The following GRK5 variants were observed in gnomAD, a reference collection of about 807,000 sequenced individuals.
GRK5 encodes the protein G protein-coupled receptor kinase 5, also known as g protein-coupled receptor kinase GRK5.
A neutral mutation model predicts 78.4 loss-of-function variants in GRK5; 40 were observed. The ratio of observed to expected loss-of-function variants is 0.51; its 90% CI spans 0.40 to 0.66. The LOEUF is 0.66. Among genes scored for constraint, GRK5 ranks in the 30% least tolerant of loss-of-function variants. GRK5 has a pLI of 0.00. For missense variants in GRK5, 598 were observed against 759.9 expected, an observed-to-expected ratio of 0.79 and a Z score of 2.50; for synonymous variants, 289 against 296.8, an observed-to-expected ratio of 0.97 and a Z score of 0.27.
At chr10:119,446,240 G>A (rs1202580958) in intron 12 of GRK5, among the ~76,000 whole-genome samples, 1 of 152,210 alleles carries the variant, frequency 6.6e-6, no homozygotes, top group African/African-American at 2.4e-5. Context: ...GCTGCAAACT[G>A]TTGACTGGAT....
Position 119,244,107 on chromosome 10 carries a change from A to T in GRK5, c.52+36138A>T, listed in dbSNP as rs7903849. Reference sequence around the variant, plus strand: ...CATATGGCTTCTGTTGCAGGCACTCAGCTCTGCCATTGTAGTTTGAAAGCA... The same window carrying T: ...CATATGGCTTCTGTTGCAGGCACTCTGCTCTGCCATTGTAGTTTGAAAGCA... On this transcript the variant is annotated intron_variant, in intron 1 of 15. Transcript: ENST00000392870. Among the ~76,000 whole-genome samples, 298 of 152,380 alleles carry T rather than the reference A, an allele frequency of 2.0e-3. 2 individuals carry two copies. Among genetic ancestry groups the T allele is most frequent in the African/African-American group, 6.9e-3 (285 of 41,598 alleles).
chr10:119,397,640 G>A lies in GRK5; in HGVS notation c.339+868G>A, dbSNP rs1477937379. 2.0e-5 allele frequency among the ~76,000 whole-genome samples: 3 copies of A among 152,238 alleles called. No homozygotes were observed. In the East Asian group the frequency reaches 5.8e-4, roughly 29 times the overall value. Reference sequence around the variant, plus strand: ...TCCCCGGAAGAGTATACCTCCTGGTGCCCATCCCAGGCTGCCAGTGGACTG... The same window carrying A: ...TCCCCGGAAGAGTATACCTCCTGGTACCCATCCCAGGCTGCCAGTGGACTG... On this transcript the variant is annotated intron_variant, in intron 4 of 15. Coordinates refer to ENST00000392870, the MANE Select transcript of GRK5 (RefSeq NM_005308.3).
intron 2 of GRK5, among the ~76,000 whole-genome samples, chr10:119,365,821 G>A (rs956428618): frequency 6.6e-6 from 1 of 152,210 alleles, no homozygotes; most frequent in African/African-American, 2.4e-5. Flanking sequence ...TGTCAGTGCA[G>A]ACAAGGCACT....
chr10:119,427,859 T>C (rs1489349517), intron 6 of GRK5, among the ~76,000 whole-genome samples: 1 of 152,174 alleles, frequency 6.6e-6, no homozygotes, highest in Non-Finnish European at 1.5e-5. Flanking sequence ...ACTGCTGTTA[T>C]CAATATCCCA....
intron 2 of GRK5, among the ~76,000 whole-genome samples, chr10:119,344,258 C>T (rs1011895414): frequency 6.6e-5 from 10 of 151,744 alleles, no homozygotes; most frequent in South Asian, 2.1e-4. Flanking sequence ...TATACATGTG[C>T]CATGTTGGTG....
chr10:119,222,218 C>T (rs1848666077), intron 1 of GRK5, among the ~76,000 whole-genome samples: 1 of 152,124 alleles, frequency 6.6e-6, no homozygotes, highest in Non-Finnish European at 1.5e-5. Context: ...GGTGCCAATC[C>T]ATTGCTTCGT....
chr10:119,244,205 G>C (rs1287644491), intron 1 of GRK5, among the ~76,000 whole-genome samples: 2 of 152,348 alleles, frequency 1.3e-5, no homozygotes, highest in East Asian at 3.9e-4. Context: ...ACAGGTGTTG[G>C]GCCAGATTTG....
intron 1 of GRK5, among the ~76,000 whole-genome samples, chr10:119,282,115 A>C (rs748621987): frequency 6.6e-6 from 1 of 152,056 alleles, no homozygotes; most frequent in African/African-American, 2.4e-5. Flanking sequence ...GCCTTTTCAC[A>C]CAGCACCTCT....
At chr10:119,296,748 C>A (rs756357453) in intron 1 of GRK5, among the ~76,000 whole-genome samples, 6 of 152,184 alleles carry the variant, frequency 3.9e-5, no homozygotes, top group Non-Finnish European at 7.4e-5. Flanking sequence ...TAGAACAACC[C>A]TTGAGGGGGG....
intron 3 of GRK5, among the ~76,000 whole-genome samples, chr10:119,384,437 G>A (rs551631141): frequency 6.6e-6 from 1 of 152,344 alleles, no homozygotes; most frequent in East Asian, 1.9e-4. Flanking sequence ...ATGGGCAGGT[G>A]TTTAACCCCT....
chr10:119,340,011 A>G (rs1850957295), intron 2 of GRK5, among the ~76,000 whole-genome samples: 1 of 152,338 alleles, frequency 6.6e-6, no homozygotes, highest in Middle Eastern at 3.4e-3. Context: ...CAGCAGTAGA[A>G]AGGAAGATGT....
At chr10:119,230,099 G>C (rs185752865) in intron 1 of GRK5, among the ~76,000 whole-genome samples, 4 of 152,102 alleles carry the variant, frequency 2.6e-5, no homozygotes, top group Non-Finnish European at 5.9e-5. Context: ...GAGTAGTTGT[G>C]GGGGAGCAGG....
intron 12 of GRK5, among the ~76,000 whole-genome samples, chr10:119,446,851 C>T (rs907739330): frequency 6.6e-6 from 1 of 152,218 alleles, no homozygotes; most frequent in Non-Finnish European, 1.5e-5. Flanking sequence ...CTCTCCCCGG[C>T]GTCCCCAGCC....
chr10:119,264,595 T>G lies in GRK5; in HGVS notation c.52+56626T>G, dbSNP rs1015658585. 2.6e-5 allele frequency among the ~76,000 whole-genome samples: 4 copies of G among 152,198 alleles called. No individual in the cohort carries two copies. The highest frequency in any genetic ancestry group is 5.9e-5 in the Non-Finnish European group (4 of 68,030). On this transcript the variant is annotated intron_variant, in intron 1 of 15. Transcript: ENST00000392870. This position sits in a 1 kb window ranked among gnomAD's most constrained non-coding sequence, Gnocchi z 4.1. ...ATGTCAAACATCATCAAGGCATGATTCTCATCGGGGCTTGGGTTTTGTGTA... is the reference window on the plus strand; with the variant it reads ...ATGTCAAACATCATCAAGGCATGATGCTCATCGGGGCTTGGGTTTTGTGTA...
chr10:119,276,720 T>G (rs753790781), intron 1 of GRK5, among the ~76,000 whole-genome samples: 1 of 152,228 alleles, frequency 6.6e-6, no homozygotes, highest in Non-Finnish European at 1.5e-5. Context: ...TTGGTTTTCT[T>G]GAAGCTGCCT....
intron 1 of GRK5, among the ~76,000 whole-genome samples, chr10:119,265,715 A>G (rs575205112): frequency 2.6e-5 from 4 of 152,346 alleles, no homozygotes; most frequent in Admixed American, 2.0e-4. Flanking sequence ...CCTGGGCTCC[A>G]CTGTACTAAA....
intron 15 of GRK5, 137 bp from the exon 16 acceptor site, chr10:119,454,832 C>A: frequency 1.6e-6 from 1 of 626,788 alleles, no homozygotes; most frequent in South Asian, 1.9e-5. Context: ...GGCCCTTGTA[C>A]CTGGCTCTGA....
intron 1 of GRK5, among the ~76,000 whole-genome samples, chr10:119,293,954 C>G (rs957388835): frequency 3.9e-5 from 6 of 152,086 alleles, no homozygotes; most frequent in Non-Finnish European, 8.8e-5. Context: ...CTGCTAATCC[C>G]GGGGGTCTGG....
At chr10:119,345,724 C>A (rs1331462035) in intron 2 of GRK5, among the ~76,000 whole-genome samples, 1 of 152,152 alleles carries the variant, frequency 6.6e-6, no homozygotes, top group East Asian at 1.9e-4. Flanking sequence ...CCCACCCTGC[C>A]AGCAGACTTC....
Sources: allele counts gnomAD v4.1 joint callset (sites outside exome capture counted in the v4.1 genomes callset), GRCh38; gene constraint gnomAD v4.1.1; non-coding constraint Gnocchi (gnomAD v3.1); transcripts MANE v1.5; gene names NCBI Gene and HGNC (gene_info 2026-07-23, HGNC 2026-07-21).